The following CBX1 variants were observed in gnomAD, a reference collection of about 807,000 sequenced individuals.
The protein encoded by CBX1 is chromobox 1.
A neutral mutation model predicts 25.1 loss-of-function variants in CBX1; 10 were observed. That is an observed-to-expected ratio of 0.40 (90% CI 0.25 to 0.68). CBX1 has a LOEUF of 0.68. CBX1 is among the 30% of genes least tolerant of loss of function. CBX1 has a pLI of 0.40. For synonymous variants in CBX1, 63 were observed against 79.4 expected (o/e 0.79, Z 1.10); for missense variants, 106 against 218.5 (o/e 0.49, Z 3.25).
intron 1 of CBX1, among the ~76,000 whole-genome samples, chr17:48,100,296 TCA>T (rs1427854265): frequency 6.6e-6 from 1 of 152,132 alleles, no homozygotes; most frequent in Non-Finnish European, 1.5e-5. Flanking sequence ...TCACACGATC[TCA>T]CAATCTCTCA....
At chr17:48,090,193 C>T (rs1021070623) in intron 1 of CBX1, among the ~76,000 whole-genome samples, 5 of 152,040 alleles carry the variant, frequency 3.3e-5, no homozygotes, top group African/African-American at 7.2e-5. Context: ...CGAGTCACTG[C>T]GCCCGGCTAT....
rs1406729870 is a variant in CBX1, at chr17:48,070,697, T to G, written c.*738A>C. 6.6e-6 allele frequency: 1 copy of G among 152,658 alleles called. No individual in the cohort carries two copies. Among genetic ancestry groups the G allele is most frequent in the African/African-American group, 2.4e-5 (1 of 41,448 alleles). The allele number at this position is 152,658 out of a possible 1,614,324, so 9.5% of individuals were successfully genotyped here. On this transcript the variant is annotated 3_prime_UTR_variant, in exon 5 of 5. Transcript: ENST00000225603. ...GACCTTCCCTCCTCGTCAATTTCCA[T>G]CTCCAAAATGGCAACTTTGGTAACT...
At chr17:48,091,500 A>T (rs2063343533) in intron 1 of CBX1, among the ~76,000 whole-genome samples, 1 of 148,604 alleles carries the variant, frequency 6.7e-6, no homozygotes, top group African/African-American at 2.5e-5. Flanking sequence ...TCAGCCTCCC[A>T]AGTAGCTGGG....
chr17:48,089,915 A>G (rs2063335453), intron 1 of CBX1, among the ~76,000 whole-genome samples: 2 of 151,654 alleles, frequency 1.3e-5, no homozygotes, highest in South Asian at 4.2e-4. Context: ...TTTTAACGAA[A>G]TTTATTTGTG....
At chr17:48,077,475 A>C (rs2037689169) in intron 1 of CBX1, among the ~76,000 whole-genome samples, 1 of 128,854 alleles carries the variant, frequency 7.8e-6, no homozygotes, top group Non-Finnish European at 1.6e-5. Flanking sequence ...TTTAGTAGAG[A>C]CGGGATTTCA....
At chr17:48,083,539 G>T (rs762014327) in intron 1 of CBX1, among the ~76,000 whole-genome samples, 1 of 150,164 alleles carries the variant, frequency 6.7e-6, no homozygotes, top group African/African-American at 2.5e-5. Flanking sequence ...CTTCTTATTG[G>T]CCAGGTGGCG....
At chr17:48,091,864 A>G (rs955007042) in intron 1 of CBX1, among the ~76,000 whole-genome samples, 1 of 150,592 alleles carries the variant, frequency 6.6e-6, no homozygotes, top group Admixed American at 6.6e-5. Context: ...TTTTTAGTAG[A>G]GAGGGGGTTT....
At chr17:48,072,453 G>A (rs1168096973) in intron 4 of CBX1, among the ~76,000 whole-genome samples, 2 of 152,136 alleles carry the variant, frequency 1.3e-5, no homozygotes, top group Non-Finnish European at 2.9e-5. Flanking sequence ...TTCAACATCG[G>A]GAGTAGAAAA....
At chr17:48,077,443 TTGTTTTTTTTG>T (rs1379872709) in intron 1 of CBX1, among the ~76,000 whole-genome samples, 4 of 55,462 alleles carry the variant, frequency 7.2e-5, no homozygotes, top group African/African-American at 2.3e-4. Context: ...GTTTTTTTTT[TTGTTTTTTTTG>T]TTTTTTTTTT....
chr17:48,084,578 A>G (rs1017762794), intron 1 of CBX1, among the ~76,000 whole-genome samples: 3 of 149,346 alleles, frequency 2.0e-5, no homozygotes, highest in African/African-American at 7.7e-5. Flanking sequence ...TTGGGATTAC[A>G]GGCATGAACC....
intron 2 of CBX1, 76 bp from the exon 3 acceptor site, chr17:48,076,254 C>A (rs1294847775): frequency 1.7e-6 from 2 of 1,176,582 alleles, no homozygotes; most frequent in Non-Finnish European, 2.3e-6. Flanking sequence ...CGTAAGAGGA[C>A]AAGACCTCAG....
intron 1 of CBX1, among the ~76,000 whole-genome samples, chr17:48,080,333 C>T (rs1453818674): frequency 2.0e-5 from 3 of 152,072 alleles, no homozygotes; most frequent in Non-Finnish European, 2.9e-5. Flanking sequence ...CTACCGTGCC[C>T]GGACCCAACT....
chr17:48,087,181 G>A (rs1224625601), intron 1 of CBX1, among the ~76,000 whole-genome samples: 13 of 101,086 alleles, frequency 1.3e-4, no homozygotes, highest in Non-Finnish European at 2.2e-4. Context: ...AGAGTAAGAC[G>A]CCATCTCAAA....
In CBX1 at chr17:48,101,435, A is replaced by C. The variant is rs992780032; in HGVS notation, c.-205T>G. On this transcript the variant is annotated 5_prime_UTR_variant, in exon 1 of 5. Coordinates refer to ENST00000225603, the MANE Select transcript of CBX1 (RefSeq NM_001127228.2). ...GGCCCCGGCCAACGGCCCTCCCCTCAGCCGAACAAAAGAGCCTCGCAGTCT... is the reference window on the plus strand; with the variant it reads ...GGCCCCGGCCAACGGCCCTCCCCTCCGCCGAACAAAAGAGCCTCGCAGTCT... 1.7e-5 allele frequency: 17 copies of C among 985,380 alleles called. No individual in the cohort carries two copies. The highest frequency in any genetic ancestry group is 1.8e-5 in the Non-Finnish European group (15 of 830,006). 61.0% of individuals were successfully genotyped at this position (985,380 alleles called of 1,614,324 possible). A position where few individuals can be genotyped will look rare whatever the true frequency, so the allele number is the denominator to read the frequency against.
At chr17:48,077,132 G>A (rs1598304604) in intron 1 of CBX1, 91 bp from the exon 2 acceptor site, 1 of 999,752 alleles carries the variant, frequency 1.0e-6, no homozygotes, top group East Asian at 2.5e-5. Flanking sequence ...GGACATGACA[G>A]GTGATAATAT....
intron 1 of CBX1, among the ~76,000 whole-genome samples, chr17:48,083,033 A>ATT (rs1468372399): frequency 6.8e-6 from 1 of 147,940 alleles, no homozygotes; most frequent in African/African-American, 2.6e-5. Context: ...TGCCCAGCTA[A>ATT]TTTTGTATCT....
At position 48,071,375 on chromosome 17, in the gene CBX1, T is replaced by A; in HGVS notation, c.*60A>T. 6.6e-7 allele frequency: 1 copy of A among 1,521,584 alleles called. No individual in the cohort carries two copies. Among genetic ancestry groups the A allele is most frequent in the South Asian group, 1.3e-5 (1 of 79,212 alleles). 94.3% of individuals were successfully genotyped at this position (1,521,584 alleles called of 1,614,324 possible). The stretch of plus-strand genomic sequence containing the variant: ...TCTATGGTGTCAAGACAAGTAGAAC[T>A]CCTTCCCTTCCCACTTGAAACCCAC... On this transcript the variant is annotated 3_prime_UTR_variant, in exon 5 of 5. Coordinates refer to ENST00000225603, the MANE Select transcript of CBX1 (RefSeq NM_001127228.2).
At chr17:48,092,636 T>G (rs924865835) in intron 1 of CBX1, among the ~76,000 whole-genome samples, 2 of 151,798 alleles carry the variant, frequency 1.3e-5, no homozygotes, top group Admixed American at 1.3e-4. Flanking sequence ...CTATTTTTAG[T>G]AGAGACAAGG....
chr17:48,083,145 A>G (rs1192301254), intron 1 of CBX1, among the ~76,000 whole-genome samples: 2 of 149,282 alleles, frequency 1.3e-5, no homozygotes, highest in Non-Finnish European at 2.9e-5. Flanking sequence ...GGATTACAGG[A>G]ATGAGCCACT....
Sources: gnomAD v4.1 joint callset for allele counts (sites outside exome capture counted in the v4.1 genomes callset) on GRCh38, gnomAD v4.1.1 for gene constraint, MANE v1.5 for transcripts, NCBI Gene and HGNC (gene_info 2026-07-23, HGNC 2026-07-21) for gene names.